Variants in CAMK4 observed in about 807,000 individuals in gnomAD.
CAMK4 encodes calcium/calmodulin-dependent protein kinase type IV.
CAMK4 carries 22 observed loss-of-function variants against 44.9 expected under a neutral mutation model. The ratio of observed to expected loss-of-function variants is 0.49; its 90% confidence interval spans 0.35 to 0.70. The LOEUF (loss-of-function observed/expected upper bound fraction) is 0.70, where lower values mean the gene tolerates loss of function less well. CAMK4 is among the 30% of genes least tolerant of loss of function. CAMK4 has a pLI of 0.01. For synonymous variants in CAMK4, 218 were observed against 215.4 expected (o/e 1.01, Z -0.11); for missense variants, 498 against 586.8 (o/e 0.85, Z 1.56).
intron 1 of CAMK4, among the ~76,000 whole-genome samples, chr5:111,283,192 T>A (rs905472758): frequency 1.1e-4 from 16 of 152,242 alleles, no homozygotes; most frequent in Admixed American, 9.2e-4. Context: ...TTTGACTCTT[T>A]AGTATTTTTG....
chr5:111,410,052 C>T (rs960693039), intron 5 of CAMK4, among the ~76,000 whole-genome samples: 1 of 152,192 alleles, frequency 6.6e-6, no homozygotes, highest in Non-Finnish European at 1.5e-5. Flanking sequence ...ACTCTTTCAA[C>T]CTCTGACTGT....
At chr5:111,438,165 G>A (rs1488122023) in intron 5 of CAMK4, among the ~76,000 whole-genome samples, 1 of 152,172 alleles carries the variant, frequency 6.6e-6, no homozygotes, top group African/African-American at 2.4e-5. Context: ...TTGGAAGAGG[G>A]CAGGGAGGTC....
At chr5:111,312,913 G>T (rs1164781668) in intron 1 of CAMK4, among the ~76,000 whole-genome samples, 1 of 152,004 alleles carries the variant, frequency 6.6e-6, no homozygotes, top group Non-Finnish European at 1.5e-5. Context: ...TTGTCTTTGG[G>T]CAAATATTAA....
chr5:111,405,409 A>G (rs1752385204), intron 5 of CAMK4, among the ~76,000 whole-genome samples: 1 of 152,200 alleles, frequency 6.6e-6, no homozygotes, highest in Non-Finnish European at 1.5e-5. Flanking sequence ...CAGAGGTTGC[A>G]GTGAGCTGAG....
chr5:111,494,604 C>T lies in CAMK4; in HGVS notation c.*10138C>T, dbSNP rs1421798478. On this transcript the variant is annotated 3_prime_UTR_variant, in exon 11 of 11. Coordinates refer to ENST00000282356, the MANE Select transcript of CAMK4 (RefSeq NM_001744.6). ...GACCACATGAGAGCTGTGGCTTCTT[C>T]TTGGATTCAGGTTGGATAACCCAAT... 6.9e-6 allele frequency: 1 copy of T among 144,302 alleles called. No individual in the cohort carries two copies. Among genetic ancestry groups the T allele is most frequent in the Non-Finnish European group, 1.5e-5 (1 of 67,372 alleles). 8.9% of individuals were successfully genotyped at this position (144,302 alleles called of 1,614,324 possible).
chr5:111,385,656 C>T (rs574051313), intron 4 of CAMK4, among the ~76,000 whole-genome samples: 3 of 152,106 alleles, frequency 2.0e-5, no homozygotes, highest in Non-Finnish European at 2.9e-5. Context: ...TCACTGCAAA[C>T]TCCACCTCCC....
chr5:111,358,554 T>C (rs901861183), intron 2 of CAMK4, among the ~76,000 whole-genome samples: 6 of 151,742 alleles, frequency 4.0e-5, no homozygotes, highest in African/African-American at 1.2e-4. Context: ...ACTGGCAGGA[T>C]TTTTCTTTTT....
At chr5:111,331,187 G>A (rs390243) in intron 1 of CAMK4, among the ~76,000 whole-genome samples, 75,072 of 151,204 alleles carry the variant, frequency 0.5, 19,347 homozygotes, top group African/African-American at 0.63. Context: ...TATTGACTGG[G>A]AGAATACACA....
At chr5:111,421,589 T>A (rs766894510) in intron 5 of CAMK4, among the ~76,000 whole-genome samples, 34 of 152,212 alleles carry the variant, frequency 2.2e-4, no homozygotes, top group Non-Finnish European at 4.1e-4. Flanking sequence ...TTTCTCTCCA[T>A]TTCTTAGTTA....
intron 1 of CAMK4, among the ~76,000 whole-genome samples, chr5:111,258,002 C>T (rs945182133): frequency 2.0e-5 from 3 of 151,752 alleles, no homozygotes; most frequent in African/African-American, 7.3e-5. Context: ...TGGGGCCTAG[C>T]ACGGGGAGGG....
intron 5 of CAMK4, among the ~76,000 whole-genome samples, chr5:111,399,818 C>T (rs959017185): frequency 3.9e-5 from 6 of 152,232 alleles, no homozygotes; most frequent in Middle Eastern, 6.8e-3. Flanking sequence ...TACCTCTGTC[C>T]GTTCAGATCA....
intron 1 of CAMK4, among the ~76,000 whole-genome samples, chr5:111,250,514 A>G (rs960499548): frequency 1.3e-5 from 2 of 152,060 alleles, no homozygotes; most frequent in Non-Finnish European, 2.9e-5. Flanking sequence ...TTATATGTGG[A>G]CTTTGTATTT....
At chr5:111,237,856 T>A (rs939756387) in intron 1 of CAMK4, among the ~76,000 whole-genome samples, 8 of 152,220 alleles carry the variant, frequency 5.3e-5, no homozygotes, top group Non-Finnish European at 1.2e-4. Flanking sequence ...TCCATGTCTA[T>A]CTATATTTGG....
At chr5:111,447,641 C>G (rs1754075818) in intron 6 of CAMK4, among the ~76,000 whole-genome samples, 1 of 152,186 alleles carries the variant, frequency 6.6e-6, no homozygotes, top group South Asian at 2.1e-4. Context: ...TCGATGAATT[C>G]TCACTAGTGG....
At chr5:111,277,477 A>C (rs1227248552) in intron 1 of CAMK4, 1 of 152,216 alleles carries the variant, frequency 6.6e-6, no homozygotes, top group Non-Finnish European at 1.5e-5. Context: ...ACAGACTAGA[A>C]GCTATCTTAT....
At position 111,445,085 on chromosome 5, in the gene CAMK4, C is replaced by T. The variant is rs1389848490; in HGVS notation, c.460-1601C>T. ...GTATGCCTTGACTCCACAACTGCAC[C>T]TGCTTCCAGGTATCTGTCCTAGAAA... On this transcript the variant is annotated intron_variant, in intron 5 of 10. Coordinates refer to ENST00000282356, the MANE Select transcript of CAMK4 (RefSeq NM_001744.6). Among the ~76,000 whole-genome samples, 3 of 152,172 alleles carry T rather than the reference C, an allele frequency of 2.0e-5. No individual in the cohort carries two copies. In the East Asian group the frequency reaches 5.8e-4, roughly 29 times the overall value.
chr5:111,486,519 A>G lies in CAMK4; in HGVS notation c.*2053A>G, dbSNP rs1755629375. On this transcript the variant is annotated 3_prime_UTR_variant, in exon 11 of 11. Transcript: ENST00000282356. ...GACTGAAACACACACACACACACAC[A>G]CACACACACACACACACACACACGT... The G allele has an allele frequency of 7.8e-6, 1 of 128,278 alleles. No individual in the cohort carries two copies. The highest frequency in any genetic ancestry group is 2.8e-4 in the South Asian group (1 of 3,626). 7.9% of individuals were successfully genotyped at this position (128,278 alleles called of 1,614,324 possible). A position where few individuals can be genotyped will look rare whatever the true frequency, so the allele number is the denominator to read the frequency against.
At chr5:111,340,795 T>C (rs1313072762) in intron 1 of CAMK4, among the ~76,000 whole-genome samples, 1 of 151,242 alleles carries the variant, frequency 6.6e-6, no homozygotes, top group Non-Finnish European at 1.5e-5. Flanking sequence ...TTTTTAATGT[T>C]TGGTAAAATT....
At chr5:111,336,930 T>C (rs908325361) in intron 1 of CAMK4, among the ~76,000 whole-genome samples, 1 of 151,204 alleles carries the variant, frequency 6.6e-6, no homozygotes, top group African/African-American at 2.4e-5. Flanking sequence ...TTAAACAATA[T>C]AGTTCTTTTG....
Sources: gnomAD v4.1 joint callset for allele counts (sites outside exome capture counted in the v4.1 genomes callset) on GRCh38, gnomAD v4.1.1 for gene constraint, MANE v1.5 for transcripts, NCBI Gene and HGNC (gene_info 2026-07-23, HGNC 2026-07-21) for gene names.